Variants in SPACA7 observed in about 807,000 individuals in gnomAD.
The protein encoded by SPACA7 is sperm acrosome associated 7.
In SPACA7, 19 loss-of-function variants were observed where a neutral mutation model predicts 26.3. That is an observed-to-expected ratio of 0.72 (90% CI 0.50 to 1.06). The LOEUF is 1.06. SPACA7 is among the 50% of genes least tolerant of loss of function. The pLI, the probability that SPACA7 is intolerant of heterozygous loss-of-function variation, is 0.00. For missense variants in SPACA7, 211 were observed against 229.9 expected, an observed-to-expected ratio of 0.92 and a Z score of 0.53; for synonymous variants, 84 against 84.5, an observed-to-expected ratio of 0.99 and a Z score of 0.04.
At chr13:112,430,694 G>T (rs370782713) in intron 5 of SPACA7, among the ~76,000 whole-genome samples, 1 of 152,110 alleles carries the variant, frequency 6.6e-6, no homozygotes, top group African/African-American at 2.4e-5. Flanking sequence ...CCTCATCTAC[G>T]CATGAAGACT....
intron 5 of SPACA7, among the ~76,000 whole-genome samples, chr13:112,429,712 C>T (rs1395756669): frequency 2.0e-5 from 3 of 152,134 alleles, no homozygotes; most frequent in Non-Finnish European, 4.4e-5. Context: ...TTTTTCTTCT[C>T]ATTGTAGATG....
At chr13:112,398,403 C>T (rs1437664375) in intron 3 of SPACA7, among the ~76,000 whole-genome samples, 1 of 151,974 alleles carries the variant, frequency 6.6e-6, no homozygotes, top group Non-Finnish European at 1.5e-5. Flanking sequence ...TTCTCGCCCT[C>T]GGGAGCCACT....
chr13:112,390,494 A>C (rs1310707440), intron 1 of SPACA7, among the ~76,000 whole-genome samples: 1 of 152,162 alleles, frequency 6.6e-6, no homozygotes, highest in Non-Finnish European at 1.5e-5. Flanking sequence ...CCTCTGTATT[A>C]GTCAGTTCTT....
Position 112,399,082 on chromosome 13 carries a change from G to C in SPACA7, c.258G>C (p.Glu86Asp). 1 of 1,607,032 alleles carries C rather than the reference G, an allele frequency of 6.2e-7. No individual in the cohort carries two copies. The change falls in exon 4 of 7, where the codon GAG becomes GAC. Residue 86 changes from glutamate to aspartate, a missense_variant. Physicochemically the swap from Glu to Asp is conservative, Grantham distance 45. Coordinates refer to ENST00000283550, the MANE Select transcript of SPACA7 (RefSeq NM_145248.5). ...LSTPLHAGID[E>D]NYQAGGSENY... is the part of the protein sequence containing the mutation. ...TCATTGAAGATGCTGGTATTGATGAGAATTATCAAGCTGGTGGTTCTGAGA... is the reference window on the plus strand; with the variant it reads ...TCATTGAAGATGCTGGTATTGATGACAATTATCAAGCTGGTGGTTCTGAGA...
intron 5 of SPACA7, among the ~76,000 whole-genome samples, chr13:112,422,707 A>T (rs987875261): frequency 6.6e-6 from 1 of 152,230 alleles, no homozygotes; most frequent in Admixed American, 6.5e-5. Context: ...ATGCGCAAAG[A>T]AGTCACAAGG....
chr13:112,401,237 C>A, intron 5 of SPACA7, 73 bp downstream of exon 5: 3 of 1,191,150 alleles, frequency 2.5e-6, no homozygotes, highest in Non-Finnish European at 2.5e-6. Context: ...TGACTGTCTC[C>A]CTCCAGCCTC....
Position 112,404,252 on chromosome 13 carries a change from G to T in SPACA7, c.445+3088G>T, listed in dbSNP as rs571309567. On this transcript the variant is annotated intron_variant, in intron 5 of 6. Transcript: ENST00000283550. ...TGAGAATTGTCTATTCATGTCCTCAGCCCACTTTTTGATGGGATTGTTTGT... is the reference window on the plus strand; with the variant it reads ...TGAGAATTGTCTATTCATGTCCTCATCCCACTTTTTGATGGGATTGTTTGT... 1.6e-4 allele frequency among the ~76,000 whole-genome samples: 25 copies of T among 152,260 alleles called. No individual in the cohort carries two copies. The South Asian group carries it at 5.2e-3, about 32-fold the overall frequency.
chr13:112,400,399 A>G (rs1350101904), intron 4 of SPACA7, among the ~76,000 whole-genome samples: 1 of 152,176 alleles, frequency 6.6e-6, no homozygotes, highest in African/African-American at 2.4e-5. Context: ...TCTTTCTGCC[A>G]TTGCTTCTCC....
Position 112,383,108 on chromosome 13 carries a change from AAGAAAAGAAAAGAAAAGAAAG to A in SPACA7, c.94+6631_94+6651del, listed in dbSNP as rs1314470782. Among the ~76,000 whole-genome samples the A allele has an allele frequency of 2.2e-3, 35 of 16,110 alleles. 1 individual carries two copies. The highest frequency in any genetic ancestry group is 3.0e-3 in the Non-Finnish European group (18 of 6,022). The allele number at this position is 16,110 out of a possible 152,430, so 10.6% of individuals were successfully genotyped here. Reference sequence around the variant, plus strand: ...AAAGAAAGAAAGAAAGAAGAAAGAAAAGAAAAGAAAAGAAAAGAAAGAAAGAAAGAAAGAAAGAAAGAAAGA... The same window carrying A: ...AAAGAAAGAAAGAAAGAAGAAAGAAAAAAGAAAGAAAGAAAGAAAGAAAGA... On this transcript the variant is annotated intron_variant, in intron 1 of 6. Transcript: ENST00000283550.
At chr13:112,387,413 C>A (rs569473340) in intron 1 of SPACA7, among the ~76,000 whole-genome samples, 5 of 152,256 alleles carry the variant, frequency 3.3e-5, no homozygotes, top group Admixed American at 6.5e-5. Context: ...CCTAAACCCA[C>A]ATTCTATCCT....
At chr13:112,428,805 G>A (rs964643435) in intron 5 of SPACA7, among the ~76,000 whole-genome samples, 1 of 152,144 alleles carries the variant, frequency 6.6e-6, no homozygotes, top group East Asian at 1.9e-4. Context: ...TTCCTGAAAA[G>A]TATGTGTATT....
rs370417007 is a variant in SPACA7 at position 112,432,403 on chromosome 13, T to C, written c.446-41T>C. The C allele has an allele frequency of 4.9e-5, 72 of 1,478,368 alleles. No individual in the cohort carries two copies. In the Middle Eastern group the frequency reaches 5.2e-4, roughly 11 times the overall value. 91.6% of individuals were successfully genotyped at this position (1,478,368 alleles called of 1,614,324 possible). A position where few individuals can be genotyped will look rare whatever the true frequency, so the allele number is the denominator to read the frequency against. ...GAAAAGTGGAATCATGCCTTAATTA[T>C]TTACAAAGAGTGATCATTGTACTTA... On this transcript the variant is annotated intron_variant, in intron 5 of 6. Transcript: ENST00000283550.
intron 3 of SPACA7, among the ~76,000 whole-genome samples, chr13:112,398,380 G>A (rs1018077995): frequency 1.5e-4 from 23 of 151,926 alleles, no homozygotes; most frequent in South Asian, 4.2e-4. Flanking sequence ...TCTGGAGTGC[G>A]TGTTCAGGCA....
intron 1 of SPACA7, among the ~76,000 whole-genome samples, chr13:112,381,489 TC>T (rs35542844): frequency 0.16 from 12,696 of 80,744 alleles, 596 homozygotes; most frequent in African/African-American, 0.21. Context: ...TGAGACCCTG[TC>T]CCCCAAAAAA....
intron 5 of SPACA7, among the ~76,000 whole-genome samples, chr13:112,431,936 C>T (rs1877183270): frequency 6.6e-6 from 1 of 152,198 alleles, no homozygotes; most frequent in African/African-American, 2.4e-5. Flanking sequence ...ACACTGCCTG[C>T]ACCTCTTCCT....
At position 112,419,405 on chromosome 13, in the gene SPACA7, C is replaced by A. The variant is rs1037038463; in HGVS notation, c.446-13039C>A. On this transcript the variant is annotated intron_variant, in intron 5 of 6. Coordinates refer to ENST00000283550, the MANE Select transcript of SPACA7 (RefSeq NM_145248.5). ...AGGAAGGACTGGGGCACAGCAGGGCCACAGAGGCATGTAGGGAATGATCAC... is the reference window on the plus strand; with the variant it reads ...AGGAAGGACTGGGGCACAGCAGGGCAACAGAGGCATGTAGGGAATGATCAC... 3.3e-5 allele frequency among the ~76,000 whole-genome samples: 5 copies of A among 152,184 alleles called. No individual in the cohort carries two copies. The East Asian group carries it at 9.6e-4, about 29-fold the overall frequency.
intron 2 of SPACA7, among the ~76,000 whole-genome samples, chr13:112,396,213 G>T (rs2138934232): frequency 6.6e-6 from 1 of 151,366 alleles, no homozygotes; most frequent in Non-Finnish European, 1.5e-5. Context: ...CAGGGACTGT[G>T]GGTACAGTTG....
At chr13:112,418,161 A>G (rs958731824) in intron 5 of SPACA7, among the ~76,000 whole-genome samples, 11 of 152,242 alleles carry the variant, frequency 7.2e-5, no homozygotes, top group Admixed American at 2.0e-4. Context: ...TAGATAAAAT[A>G]TAATAAACAT....
intron 5 of SPACA7, among the ~76,000 whole-genome samples, chr13:112,403,918 C>T (rs536426482): frequency 6.6e-6 from 1 of 152,268 alleles, no homozygotes; most frequent in African/African-American, 2.4e-5. Context: ...ATAATAACTT[C>T]TTTTCCTCTG....
Sources: gnomAD v4.1 joint callset for allele counts (sites outside exome capture counted in the v4.1 genomes callset) on GRCh38, gnomAD v4.1.1 for gene constraint, MANE v1.5 for transcripts, NCBI Gene and HGNC (gene_info 2026-07-23, HGNC 2026-07-21) for gene names.